Variants in RAB17 observed in about 807,000 individuals in gnomAD.
RAB17 encodes ras-related protein Rab-17.
RAB17 carries 15 observed loss-of-function variants against 19.3 expected under a neutral mutation model. The observed-to-expected ratio is 0.78, with a 90% CI of 0.52 to 1.20. The LOEUF (loss-of-function observed/expected upper bound fraction) is 1.20. RAB17 is among the 50% of genes most tolerant of loss of function. The probability of loss-of-function intolerance (pLI) is 0.00; values close to 1 mark genes in which losing one functional copy is unlikely to be tolerated. For synonymous variants in RAB17, 110 were observed against 112.8 expected, an observed-to-expected ratio of 0.97 and a Z score of 0.16; for missense variants, 262 against 269.3, an observed-to-expected ratio of 0.97 and a Z score of 0.19.
In RAB17 at chr2:237,575,403, C is replaced by T. The variant is rs765832427; in HGVS notation, c.513G>A (p.Glu171=). 6.2e-7 allele frequency: 1 copy of T among 1,611,826 alleles called. No homozygotes were observed. The highest frequency in any genetic ancestry group is 1.1e-5 in the South Asian group (1 of 90,776). ...GTGACTCACCCACTGTATTGAACAC[C>T]TCCGACACCTGGTGGTTCAGTTTGG... is the stretch of plus-strand genomic sequence containing the variant. ...TSAKLNHQVS[E]VFNTVAQELL... is the part of the protein sequence containing the mutation. The change falls in exon 5 of 6, where the codon GAG becomes GAA. Residue 171 remains glutamate (E), a synonymous_variant. Transcript: ENST00000264601.
rs182481000 is a variant in RAB17 at position 237,585,848 on chromosome 2, C to T, written c.157+150G>A. On this transcript the variant is annotated intron_variant, in intron 2 of 5. Coordinates refer to ENST00000264601, the MANE Select transcript of RAB17 (RefSeq NM_022449.4). Reference sequence around the variant, plus strand: ...TCTGTGGCTGCCCTCTTGGACCTCACCCCCTCCCCTCACGCACTGGACACA... The same window carrying T: ...TCTGTGGCTGCCCTCTTGGACCTCATCCCCTCCCCTCACGCACTGGACACA... 10 of 747,482 alleles carry T rather than the reference C, an allele frequency of 1.3e-5. No homozygotes were observed. The Admixed American group carries it at 3.5e-4, about 26-fold the overall frequency. The allele number at this position is 747,482 out of a possible 1,614,324, so 46.3% of individuals were successfully genotyped here.
Position 237,586,021 on chromosome 2 carries a change from T to A in RAB17, c.134A>T (p.Lys45Met), listed in dbSNP as rs777752297. Residue 45 changes from lysine to methionine, a missense_variant, in exon 2 of 6, where the codon AAG becomes ATG. By Grantham distance (95) the Lys-to-Met change is moderately conservative. Transcript: ENST00000264601. ...LALRYVKNDFKSILPTVGCAF... is the reference protein window; with the variant it reads ...LALRYVKNDFMSILPTVGCAF... ...ACAGCCCACCGTAGGCAGGATACTC[T>A]TGAAGTCGTTCTTCACGTACCGAAG... 2 of 1,611,878 alleles carry A rather than the reference T, an allele frequency of 1.2e-6. No individual in the cohort carries two copies. Among genetic ancestry groups the A allele is most frequent in the Admixed American group, 3.3e-5 (2 of 59,734 alleles).
intron 2 of RAB17, among the ~76,000 whole-genome samples, chr2:237,582,166 C>T (rs73999142): frequency 0.028 from 4,233 of 152,372 alleles, 208 homozygotes; most frequent in African/African-American, 0.095. Context: ...GGCTTTCCAG[C>T]TTCAGGGCTC....
intron 3 of RAB17, 66 bp from the exon 4 acceptor site, chr2:237,577,448 G>C (rs1374382512): frequency 5.3e-6 from 8 of 1,515,892 alleles, no homozygotes; most frequent in African/African-American, 4.1e-5. Context: ...ATTCCGGGAG[G>C]GGGAAGCCAG....
chr2:237,586,473 C>A (rs1259669897), intron 1 of RAB17, among the ~76,000 whole-genome samples: 3 of 151,230 alleles, frequency 2.0e-5, no homozygotes, highest in Non-Finnish European at 4.4e-5. Flanking sequence ...TGTTGTCCTC[C>A]TTCCATTACT....
intron 2 of RAB17, among the ~76,000 whole-genome samples, chr2:237,581,497 T>C (rs2081308594): frequency 6.6e-6 from 1 of 152,176 alleles, no homozygotes; most frequent in African/African-American, 2.4e-5. Context: ...TCGGGCAATC[T>C]GCCCGCCTCG....
At chr2:237,586,274 A>C in intron 1 of RAB17, 117 bp from the exon 2 acceptor site, 1 of 1,023,048 alleles carries the variant, frequency 9.8e-7, no homozygotes, top group South Asian at 2.0e-5. Context: ...CAGAGCTCCC[A>C]ACTCAGAGGC....
chr2:237,575,555 G>GT (rs1164507292), intron 4 of RAB17, 75 bp from the exon 5 acceptor site: 1 of 1,127,890 alleles, frequency 8.9e-7, no homozygotes, highest in African/African-American at 1.5e-5. Flanking sequence ...ACTTCCAACA[G>GT]TAAGATCCGA....
intron 3 of RAB17, 132 bp from the exon 4 acceptor site, chr2:237,577,514 C>G: frequency 9.6e-7 from 1 of 1,041,706 alleles, no homozygotes. Flanking sequence ...ATGGGCGCAC[C>G]TGCAGGGCTG....
At chr2:237,577,421 A>G (rs1275631575) in intron 3 of RAB17, 39 bp from the exon 4 acceptor site, 1 of 1,570,880 alleles carries the variant, frequency 6.4e-7, no homozygotes, top group Non-Finnish European at 8.7e-7. Context: ...AACAAAACTT[A>G]TAGGTGGTCA....
intron 2 of RAB17, chr2:237,578,458 C>T: frequency 4.0e-6 from 1 of 249,746 alleles, no homozygotes; most frequent in Non-Finnish European, 7.7e-6. Context: ...AAAGGGATCT[C>T]CACTTACTGG....
At chr2:237,576,071 C>T (rs568072943) in intron 4 of RAB17, among the ~76,000 whole-genome samples, 6 of 152,276 alleles carry the variant, frequency 3.9e-5, no homozygotes, top group South Asian at 2.1e-4. Context: ...CCCTGGCCTC[C>T]GGGACTCTCC....
chr2:237,576,883 C>G (rs2081268003), intron 4 of RAB17, among the ~76,000 whole-genome samples: 1 of 152,184 alleles, frequency 6.6e-6, no homozygotes, highest in Non-Finnish European at 1.5e-5. Context: ...CTCGTTCAAG[C>G]CGAGCCCACC....
chr2:237,575,103 G>T lies in RAB17; in HGVS notation c.555C>A (p.Asp185Glu), dbSNP rs777246989. 1.9e-6 allele frequency: 3 copies of T among 1,613,468 alleles called. No individual in the cohort carries two copies. The highest frequency in any genetic ancestry group is 2.5e-6 in the Non-Finnish European group (3 of 1,179,846). Residue 185 changes from aspartate (D) to glutamate (E), a missense_variant, in exon 6 of 6, where the codon GAC (aspartate) becomes GAA (glutamate). Asp to Glu is a conservative substitution (Grantham distance 45). Coordinates refer to ENST00000264601, the MANE Select transcript of RAB17 (RefSeq NM_022449.4). ...CCCCCCGTAGAGCCTGGCCCTCCTC[G>T]TCGCTTCTCTGCAGTAGCTCTTGGG... ...TVAQELLQRS[D>E]EEGQALRGDA...
At chr2:237,582,816 T>C (rs1245567637) in intron 2 of RAB17, among the ~76,000 whole-genome samples, 1 of 152,260 alleles carries the variant, frequency 6.6e-6, no homozygotes, top group Non-Finnish European at 1.5e-5. Context: ...ATTTATAATA[T>C]GTGATCATGT....
rs773181732 is a variant in RAB17 at position 237,574,475 on chromosome 2, G to A, written c.*544C>T. ...CGGGAGACCATGGAAGGGAACTGGC[G>A]CCACTGCCCCCAGCTGCCCTTCCCA... On this transcript the variant is annotated 3_prime_UTR_variant, in exon 6 of 6. Transcript: ENST00000264601. 2.1e-5 allele frequency: 33 copies of A among 1,550,496 alleles called. No homozygotes were observed. The highest frequency in any genetic ancestry group is 7.3e-5 in the East Asian group (3 of 40,924).
intron 2 of RAB17, among the ~76,000 whole-genome samples, chr2:237,582,737 C>G (rs933020445): frequency 5.3e-5 from 8 of 152,246 alleles, no homozygotes; most frequent in Non-Finnish European, 1.2e-4. Context: ...GATCACTCTT[C>G]CCCCAAAGCA....
intron 1 of RAB17, among the ~76,000 whole-genome samples, chr2:237,586,607 C>T (rs2081352179): frequency 6.6e-6 from 1 of 152,080 alleles, no homozygotes; most frequent in African/African-American, 2.4e-5. Flanking sequence ...AAAAATCTAC[C>T]TAAAAAAAGG....
In RAB17 at chr2:237,574,522, G is replaced by A. The variant is rs1292073413; in HGVS notation, c.*497C>T. The A allele has an allele frequency of 4.5e-6, 7 of 1,550,102 alleles. No homozygotes were observed. In the African/African-American group the frequency reaches 6.9e-5, roughly 15 times the overall value. ...CCCAGGGGCAACTTCACCAAGATGTGGAAATCCTGGGCCCACCCCACAGTC... is the reference window on the plus strand; with the variant it reads ...CCCAGGGGCAACTTCACCAAGATGTAGAAATCCTGGGCCCACCCCACAGTC... On this transcript the variant is annotated 3_prime_UTR_variant, in exon 6 of 6. Coordinates refer to ENST00000264601, the MANE Select transcript of RAB17 (RefSeq NM_022449.4).
Sources: gnomAD v4.1 joint callset for allele counts (sites outside exome capture counted in the v4.1 genomes callset) on GRCh38, gnomAD v4.1.1 for gene constraint, MANE v1.5 for transcripts, NCBI Gene and HGNC (gene_info 2026-07-23, HGNC 2026-07-21) for gene names.